Variants in PAX7 observed in about 807,000 individuals in gnomAD.
The protein encoded by PAX7 is paired box 7.
A neutral mutation model predicts 50.7 loss-of-function variants in PAX7; 18 were observed. The ratio of observed to expected loss-of-function variants is 0.36; its 90% CI spans 0.25 to 0.53. The LOEUF (loss-of-function observed/expected upper bound fraction) is 0.53, where lower values mean the gene tolerates loss of function less well. Among genes scored for constraint, PAX7 ranks in the 20% least tolerant of loss-of-function variants. PAX7 has a pLI of 0.93. For synonymous variants in PAX7, 310 were observed against 290.4 expected (o/e 1.07, Z -0.69); for missense variants, 644 against 702.9 (o/e 0.92, Z 0.95).
intron 7 of PAX7, among the ~76,000 whole-genome samples, chr1:18,710,959 A>C (rs1003059962): frequency 2.0e-5 from 3 of 152,078 alleles, no homozygotes; most frequent in South Asian, 2.1e-4. Flanking sequence ...TGGGGCTTTA[A>C]CCCCAGCTGC....
chr1:18,736,464 C>CAA (rs35410898), intron 8 of PAX7, among the ~76,000 whole-genome samples: 1,346 of 117,346 alleles, frequency 0.011, 32 homozygotes, highest in African/African-American at 0.036. Flanking sequence ...GACTCTGTCT[C>CAA]AAAAAAAAAA....
intron 4 of PAX7, among the ~76,000 whole-genome samples, chr1:18,687,154 G>A (rs533439602): frequency 5.3e-5 from 8 of 152,118 alleles, no homozygotes; most frequent in Admixed American, 3.9e-4. Flanking sequence ...GCCTCCCAAA[G>A]TGCTGGGATT....
At chr1:18,660,745 T>C (rs557838068) in intron 4 of PAX7, among the ~76,000 whole-genome samples, 32 of 150,470 alleles carry the variant, frequency 2.1e-4, no homozygotes, top group Admixed American at 1.7e-3. Context: ...GAATCCTGAG[T>C]GAAAAAACAG....
chr1:18,642,472 A>G (rs908124159), intron 4 of PAX7, among the ~76,000 whole-genome samples: 1 of 152,208 alleles, frequency 6.6e-6, no homozygotes, highest in African/African-American at 2.4e-5. Context: ...CTTGAAGGCC[A>G]TGACTAAGGG....
chr1:18,651,407 G>T (rs1307728910), intron 4 of PAX7, among the ~76,000 whole-genome samples: 1 of 152,120 alleles, frequency 6.6e-6, no homozygotes, highest in Non-Finnish European at 1.5e-5. Flanking sequence ...TCGTAAAAAA[G>T]TATATAAAAT....
At chr1:18,712,496 G>A (rs192083027) in intron 7 of PAX7, among the ~76,000 whole-genome samples, 42 of 152,296 alleles carry the variant, frequency 2.8e-4, no homozygotes, top group Non-Finnish European at 1.2e-4. Context: ...AGGGGAGAAG[G>A]AGGAAACCCC....
Position 18,630,972 on chromosome 1 carries a change from G to T in PAX7, c.-632G>T, listed in dbSNP as rs1418168229. 4.6e-6 allele frequency: 1 copy of T among 216,936 alleles called. No individual in the cohort carries two copies. The highest frequency in any genetic ancestry group is 6.7e-5 in the East Asian group (1 of 14,996). The allele number at this position is 216,936 out of a possible 1,614,324, so 13.4% of individuals were successfully genotyped here. A position where few individuals can be genotyped will look rare whatever the true frequency, so the allele number is the denominator to read the frequency against. Reference sequence around the variant, plus strand: ...GAAACCCGAGGAGGCTCCTTCTTCCGTCTGTCCCCGGGTCTCCTAGGGGAC... The same window carrying T: ...GAAACCCGAGGAGGCTCCTTCTTCCTTCTGTCCCCGGGTCTCCTAGGGGAC... On this transcript the variant is annotated 5_prime_UTR_variant, in exon 1 of 9. Transcript: ENST00000420770.
chr1:18,649,473 G>T (rs2100453635), intron 4 of PAX7, among the ~76,000 whole-genome samples: 1 of 152,202 alleles, frequency 6.6e-6, no homozygotes, highest in Admixed American at 6.5e-5. Flanking sequence ...TAAGAAGCCT[G>T]AAGGGCAGCA....
intron 7 of PAX7, among the ~76,000 whole-genome samples, chr1:18,718,013 A>C (rs1368932473): frequency 6.6e-6 from 1 of 152,136 alleles, no homozygotes; most frequent in Admixed American, 6.5e-5. Flanking sequence ...CACCCTCCTT[A>C]ACAAGCTATG....
At chr1:18,689,573 T>C (rs370717391) in intron 4 of PAX7, among the ~76,000 whole-genome samples, 1 of 152,042 alleles carries the variant, frequency 6.6e-6, no homozygotes, top group Non-Finnish European at 1.5e-5. Flanking sequence ...AGAGACCACC[T>C]GGCACTGGCC....
chr1:18,687,393 G>T (rs1248445625), intron 4 of PAX7, among the ~76,000 whole-genome samples: 1 of 152,088 alleles, frequency 6.6e-6, no homozygotes, highest in African/African-American at 2.4e-5. Context: ...ATTAGACCGG[G>T]GCTGTCCCAG....
intron 7 of PAX7, among the ~76,000 whole-genome samples, chr1:18,732,872 G>A (rs1394792562): frequency 5.3e-5 from 8 of 152,138 alleles, no homozygotes; most frequent in Non-Finnish European, 1.5e-5. Context: ...CCTGGGGATG[G>A]GCAGGAGGGA....
chr1:18,664,916 T>C (rs1207843308), intron 4 of PAX7, among the ~76,000 whole-genome samples: 1 of 152,166 alleles, frequency 6.6e-6, no homozygotes, highest in Non-Finnish European at 1.5e-5. Context: ...GTGGGAGACA[T>C]TACCCTTTGG....
At chr1:18,734,893 A>G (rs765974894) in intron 7 of PAX7, among the ~76,000 whole-genome samples, 3 of 152,188 alleles carry the variant, frequency 2.0e-5, no homozygotes, top group Non-Finnish European at 2.9e-5. Flanking sequence ...CTGGACCTCC[A>G]TCCAGGTCCC....
Position 18,631,531 on chromosome 1 carries a change from C to T in PAX7, c.-73C>T. 8.2e-7 allele frequency: 1 copy of T among 1,216,992 alleles called. No individual in the cohort carries two copies. The highest frequency in any genetic ancestry group is 1.2e-6 in the Non-Finnish European group (1 of 836,690). 75.4% of individuals were successfully genotyped at this position (1,216,992 alleles called of 1,614,324 possible). A position where few individuals can be genotyped will look rare whatever the true frequency, so the allele number is the denominator to read the frequency against. On this transcript the variant is annotated 5_prime_UTR_variant, in exon 1 of 9. Coordinates refer to ENST00000420770, the MANE Select transcript of PAX7 (RefSeq NM_001135254.2). ...ACGAAGAAGACGGAAAGAAAGAGAT[C>T]GCAGCAGGGGTGAAGGGAGCGGACG... is the stretch of plus-strand genomic sequence containing the variant.
intron 8 of PAX7, among the ~76,000 whole-genome samples, chr1:18,738,870 C>T (rs1037695516): frequency 6.6e-6 from 1 of 152,170 alleles, no homozygotes; most frequent in South Asian, 2.1e-4. Flanking sequence ...TAGACTTAGC[C>T]GTCTCAAAGT....
chr1:18,647,020 G>A (rs1438955559), intron 4 of PAX7, among the ~76,000 whole-genome samples: 2 of 147,898 alleles, frequency 1.4e-5, no homozygotes, highest in African/African-American at 2.5e-5. Flanking sequence ...CCCGGAGGTG[G>A]GGTGGGGGAA....
Position 18,734,378 on chromosome 1 carries a change from G to A in PAX7, c.1156-1254G>A, listed in dbSNP as rs183904578. Among the ~76,000 whole-genome samples the A allele has an allele frequency of 1.3e-4, 20 of 152,210 alleles. No individual in the cohort carries two copies. In the East Asian group the frequency reaches 2.3e-3, roughly 18 times the overall value. On this transcript the variant is annotated intron_variant, in intron 7 of 8. Coordinates refer to ENST00000420770, the MANE Select transcript of PAX7 (RefSeq NM_001135254.2). ...CCTGGGCCCTGCAGGTTAGGTTCAC[G>A]AGGGCCTGCCTCTCCCTCCTACCCT...
At chr1:18,720,452 C>T (rs1271851625) in intron 7 of PAX7, among the ~76,000 whole-genome samples, 1 of 152,082 alleles carries the variant, frequency 6.6e-6, no homozygotes. Context: ...ACCCTGGGCA[C>T]ATCAAGCTCC....
Sources: gnomAD v4.1 joint callset for allele counts (sites outside exome capture counted in the v4.1 genomes callset) on GRCh38, gnomAD v4.1.1 for gene constraint, MANE v1.5 for transcripts, NCBI Gene and HGNC (gene_info 2026-07-23, HGNC 2026-07-21) for gene names.